The following PRKD1 variants were observed in gnomAD, a reference collection of about 807,000 sequenced individuals.
PRKD1 encodes the protein serine/threonine-protein kinase D1.
In PRKD1, 63 loss-of-function variants were observed where a neutral mutation model predicts 95.9. The ratio of observed to expected loss-of-function variants is 0.66; its 90% CI spans 0.54 to 0.81. The LOEUF (loss-of-function observed/expected upper bound fraction) is 0.81, where lower values mean the gene tolerates loss of function less well. Ranked by LOEUF, PRKD1 falls within the 30% of genes least tolerant of loss-of-function variation. The probability of loss-of-function intolerance (pLI) is 0.00; values close to 1 mark genes in which losing one functional copy is unlikely to be tolerated. For missense variants in PRKD1, 1,048 were observed against 1,165.3 expected (o/e 0.90, Z 1.47); for synonymous variants, 425 against 423.1 (o/e 1.00, Z -0.05).
chr14:29,718,023 C>G lies in PRKD1; in HGVS notation c.403+7513G>C, dbSNP rs1374015410. On this transcript the variant is annotated intron_variant, in intron 2 of 17. Transcript: ENST00000331968. ...AAGAAGTGCACCAAGCACAATATCC[C>G]TACTGAAGTCACAAGTAGGGAAAAG... is the stretch of plus-strand genomic sequence containing the variant. 2.6e-5 allele frequency among the ~76,000 whole-genome samples: 4 copies of G among 152,246 alleles called. No individual in the cohort carries two copies. In the East Asian group the frequency reaches 7.7e-4, roughly 29 times the overall value.
At chr14:29,906,543 A>G (rs1265158239) in intron 1 of PRKD1, among the ~76,000 whole-genome samples, 1 of 152,132 alleles carries the variant, frequency 6.6e-6, no homozygotes, top group African/African-American at 2.4e-5. Flanking sequence ...AAAAAAAAAA[A>G]GCTAAACTCT....
chr14:29,861,229 G>A (rs751203114), intron 1 of PRKD1, among the ~76,000 whole-genome samples: 10 of 152,158 alleles, frequency 6.6e-5, no homozygotes, highest in South Asian at 4.2e-4. Context: ...AGAAAAGAGG[G>A]CTTTCTGTTT....
intron 1 of PRKD1, among the ~76,000 whole-genome samples, chr14:29,783,577 C>T (rs980322472): frequency 2.0e-5 from 3 of 152,142 alleles, no homozygotes; most frequent in African/African-American, 7.2e-5. Flanking sequence ...AGCCTCCATA[C>T]ATTTACCAAA....
chr14:29,637,217 T>C (rs1880445713), intron 6 of PRKD1, among the ~76,000 whole-genome samples: 1 of 152,182 alleles, frequency 6.6e-6, no homozygotes, highest in Admixed American at 6.5e-5. Flanking sequence ...TGAAAAAAGA[T>C]TCAAGCCACT....
rs148792206 is a variant in PRKD1 at position 29,836,227 on chromosome 14, T to A, written c.264+91022A>T. Among the ~76,000 whole-genome samples, 9 of 152,292 alleles carry A rather than the reference T, an allele frequency of 5.9e-5. No homozygotes were observed. In the East Asian group the frequency reaches 1.7e-3, roughly 29 times the overall value. ...TTTGGAAAGCAAGCTGGAGCTGATT[T>A]GAGGGGCTGAGCTCAGACTGAGGTT... is the stretch of plus-strand genomic sequence containing the variant. On this transcript the variant is annotated intron_variant, in intron 1 of 17. Coordinates refer to ENST00000331968, the MANE Select transcript of PRKD1 (RefSeq NM_002742.3).
At chr14:29,747,901 G>C (rs568794003) in intron 1 of PRKD1, among the ~76,000 whole-genome samples, 1 of 151,668 alleles carries the variant, frequency 6.6e-6, no homozygotes, top group Non-Finnish European at 1.5e-5. Flanking sequence ...CCACCACTAC[G>C]CCCAGCTAAT....
At chr14:29,773,158 A>C (rs1299069375) in intron 1 of PRKD1, among the ~76,000 whole-genome samples, 1 of 152,172 alleles carries the variant, frequency 6.6e-6, no homozygotes, top group African/African-American at 2.4e-5. Context: ...ATACATAACT[A>C]GTTTTTAAAA....
At chr14:29,838,445 C>T (rs544525001) in intron 1 of PRKD1, among the ~76,000 whole-genome samples, 61 of 152,072 alleles carry the variant, frequency 4.0e-4, no homozygotes, top group African/African-American at 1.3e-3. Context: ...ATAATCCTTC[C>T]AAGAAATTAG....
chr14:29,727,686 T>C (rs1886228493), intron 1 of PRKD1, among the ~76,000 whole-genome samples: 1 of 151,908 alleles, frequency 6.6e-6, no homozygotes, highest in Admixed American at 6.6e-5. Context: ...CTCAGGTTTG[T>C]CAAAGATCAG....
chr14:29,727,705 A>AG (rs1886229227), intron 1 of PRKD1, among the ~76,000 whole-genome samples: 1 of 152,026 alleles, frequency 6.6e-6, no homozygotes, highest in African/African-American at 2.4e-5. Context: ...AGATAGTTGT[A>AG]GGTATGCGGC....
chr14:29,699,592 T>C (rs1884722176), intron 2 of PRKD1, among the ~76,000 whole-genome samples: 1 of 152,194 alleles, frequency 6.6e-6, no homozygotes, highest in Non-Finnish European at 1.5e-5. Flanking sequence ...CTCCAATTCT[T>C]ATGCTAAAGC....
At chr14:29,925,829 T>C (rs552340631) in intron 1 of PRKD1, among the ~76,000 whole-genome samples, 22 of 152,360 alleles carry the variant, frequency 1.4e-4, no homozygotes, top group Non-Finnish European at 2.2e-4. Flanking sequence ...TTATGAAGCA[T>C]TGCTGTTTCA....
At chr14:29,882,338 T>C (rs1893542346) in intron 1 of PRKD1, among the ~76,000 whole-genome samples, 1 of 152,230 alleles carries the variant, frequency 6.6e-6, no homozygotes, top group Non-Finnish European at 1.5e-5. Flanking sequence ...TTGTCTAATA[T>C]ATTTCCAGTG....
At chr14:29,906,376 A>G (rs925860496) in intron 1 of PRKD1, among the ~76,000 whole-genome samples, 2 of 152,078 alleles carry the variant, frequency 1.3e-5, no homozygotes, top group African/African-American at 2.4e-5. Flanking sequence ...CCGTCTCTAC[A>G]GAAAATTTAA....
At chr14:29,737,941 G>C (rs1476526424) in intron 1 of PRKD1, among the ~76,000 whole-genome samples, 1 of 152,092 alleles carries the variant, frequency 6.6e-6, no homozygotes, top group African/African-American at 2.4e-5. Context: ...TCAAGGAAAA[G>C]ACAACAAATA....
chr14:29,779,713 C>T (rs892751700), intron 1 of PRKD1, among the ~76,000 whole-genome samples: 1 of 152,036 alleles, frequency 6.6e-6, no homozygotes, highest in African/African-American at 2.4e-5. Context: ...CCATACTGCC[C>T]AAGGTAATTT....
intron 1 of PRKD1, among the ~76,000 whole-genome samples, chr14:29,921,819 G>GT (rs1339672129): frequency 6.6e-6 from 1 of 152,110 alleles, no homozygotes; most frequent in Non-Finnish European, 1.5e-5. Context: ...ACCATACACA[G>GT]TGTACTTTTA....
intron 4 of PRKD1, among the ~76,000 whole-genome samples, chr14:29,640,160 C>T (rs936752938): frequency 6.6e-6 from 1 of 152,118 alleles, no homozygotes; most frequent in African/African-American, 2.4e-5. Context: ...GGCATCTAAG[C>T]TCATAAAGTT....
Position 29,923,810 on chromosome 14 carries a change from G to GAA in PRKD1, c.264+3437_264+3438dup, listed in dbSNP as rs768450153. 8.8e-3 allele frequency among the ~76,000 whole-genome samples: 877 copies of GAA among 99,980 alleles called. 16 individuals carry two copies. Among genetic ancestry groups the GAA allele is most frequent in the African/African-American group, 0.03 (837 of 27,708 alleles). 65.6% of individuals were successfully genotyped at this position (99,980 alleles called of 152,430 possible). A position where few individuals can be genotyped will look rare whatever the true frequency, so the allele number is the denominator to read the frequency against. The stretch of plus-strand genomic sequence containing the variant: ...TAAAGAGTAACACAGCTCATTTGAG[G>GAA]AAAAAAAAAAAAAAAAAAAAAGTAT... On this transcript the variant is annotated intron_variant, in intron 1 of 17. Transcript: ENST00000331968.
Sources: gnomAD v4.1 joint callset for allele counts (sites outside exome capture counted in the v4.1 genomes callset) on GRCh38, gnomAD v4.1.1 for gene constraint, MANE v1.5 for transcripts, NCBI Gene and HGNC (gene_info 2026-07-23, HGNC 2026-07-21) for gene names.